The following MAP7D1 variants were observed in gnomAD, a reference collection of about 807,000 sequenced individuals.
MAP7D1 encodes MAP7 domain-containing protein 1.
In MAP7D1, 30 loss-of-function variants were observed where a neutral mutation model predicts 97.5. The observed-to-expected ratio is 0.31, with a 90% confidence interval of 0.23 to 0.42. MAP7D1 has a LOEUF of 0.42. MAP7D1 is among the 10% of genes least tolerant of loss of function. The probability of loss-of-function intolerance (pLI) is 1.00; values close to 1 mark genes in which losing one functional copy is unlikely to be tolerated. For missense variants in MAP7D1, 1,184 were observed against 1,179.5 expected (o/e 1.00, Z -0.06); for synonymous variants, 536 against 477.1 (o/e 1.12, Z -1.61).
At position 36,179,049 on chromosome 1, in the gene MAP7D1, T is replaced by G. The variant is rs1644676082; in HGVS notation, c.2130+24T>G. On this transcript the variant is annotated intron_variant, in intron 12 of 16. Transcript: ENST00000474796. ...AGGTGTGCGGACCTGGGCGGGGATT[T>G]GTGGGCGGGGCCTGGGCAGGGCGGG... The G allele has an allele frequency of 3.3e-6, 4 of 1,229,324 alleles. No homozygotes were observed. The African/African-American group carries it at 6.7e-5, about 21-fold the overall frequency. The allele number at this position is 1,229,324 out of a possible 1,614,324, so 76.2% of individuals were successfully genotyped here. A position where few individuals can be genotyped will look rare whatever the true frequency, so the allele number is the denominator to read the frequency against.
At position 36,180,130 on chromosome 1, in the gene MAP7D1, G is replaced by A. The variant is rs1644696886; in HGVS notation, c.2512+63G>A. 3.1e-6 allele frequency: 5 copies of A among 1,610,464 alleles called. No individual in the cohort carries two copies. The East Asian group carries it at 1.1e-4, about 36-fold the overall frequency. ...CCAGCAGCCTTCCCTGTACTCCTCA[G>A]CCCTGCCTTCTCTTCTGGCTCTGCC... On this transcript the variant is annotated intron_variant, in intron 16 of 16. Coordinates refer to ENST00000474796, the MANE Select transcript of MAP7D1 (RefSeq NM_001388490.1).
At chr1:36,172,366 G>A (rs1393513776) in intron 3 of MAP7D1, 98 bp from the exon 4 acceptor site, 2 of 1,232,720 alleles carry the variant, frequency 1.6e-6, no homozygotes, top group East Asian at 2.8e-5. Context: ...GACCCACCCA[G>A]GGCATGGGTA....
chr1:36,176,382 G>A lies in MAP7D1; in HGVS notation c.1034G>A (p.Arg345His). The change falls in exon 7 of 17, where the codon CGC becomes CAC. Residue 345 changes from arginine (R) to histidine (H), a missense_variant. Transcript: ENST00000474796. This position sits in a 1 kb window ranked among gnomAD's most constrained non-coding sequence, Gnocchi z 6.1. ...GGCCGGGCAGGGGCCAGCCTGGCGC[G>A]CGGGCCGCAACCCGACCGCACTCAT... ...TWGRAGASLA[R>H]GPQPDRTHPS... The A allele has an allele frequency of 6.6e-7, 1 of 1,523,372 alleles. No homozygotes were observed. Among genetic ancestry groups the A allele is most frequent in the Non-Finnish European group, 8.8e-7 (1 of 1,141,166 alleles). The allele number at this position is 1,523,372 out of a possible 1,614,324, so 94.4% of individuals were successfully genotyped here. A position where few individuals can be genotyped will look rare whatever the true frequency, so the allele number is the denominator to read the frequency against.
rs867200498 is a variant in MAP7D1 at position 36,175,123 on chromosome 1, C to T, written c.850+115C>T. 2.0e-5 allele frequency: 14 copies of T among 701,902 alleles called. No individual in the cohort carries two copies. The Middle Eastern group carries it at 2.8e-3, about 142-fold the overall frequency. 43.5% of individuals were successfully genotyped at this position (701,902 alleles called of 1,614,324 possible). The stretch of plus-strand genomic sequence containing the variant: ...GGAGCCCTCACATACTCCAGGTCCC[C>T]ATCCCCACTCTACCTTACCCAGGGC... On this transcript the variant is annotated intron_variant, in intron 6 of 16. Coordinates refer to ENST00000474796, the MANE Select transcript of MAP7D1 (RefSeq NM_001388490.1).
intron 1 of MAP7D1, among the ~76,000 whole-genome samples, chr1:36,170,454 CA>C (rs1445128207): frequency 6.6e-6 from 1 of 150,770 alleles, no homozygotes; most frequent in East Asian, 2.0e-4. Flanking sequence ...CACAGTCACC[CA>C]GAAGTAAAGC....
At chr1:36,163,855 T>C (rs1318063092) in intron 1 of MAP7D1, among the ~76,000 whole-genome samples, 1 of 132,318 alleles carries the variant, frequency 7.6e-6, no homozygotes. Context: ...GGAGACAGCA[T>C]CTGATTCTGT....
Position 36,178,728 on chromosome 1 carries a change from G to T in MAP7D1, c.1930G>T (p.Ala644Ser), listed in dbSNP as rs760400782. The change falls in exon 11 of 17, where the codon GCG becomes TCG. Residue 644 changes from alanine (A) to serine (S), a missense_variant. Transcript: ENST00000474796. ...GCTGGCACGGGAGGCCGAGGCCCGG[G>T]CGGAGCGGGAGGCGGAGGCCCGGAG... ...EQLAREAEARAEREAEARRRE... is the reference protein window; with the variant it reads ...EQLAREAEARSEREAEARRRE... The T allele has an allele frequency of 1.7e-4, 261 of 1,541,260 alleles. 1 individual carries two copies. The highest frequency in any genetic ancestry group is 3.5e-6 in the Non-Finnish European group (4 of 1,143,840).
chr1:36,164,175 C>A (rs1570132888), intron 1 of MAP7D1, among the ~76,000 whole-genome samples: 1 of 152,300 alleles, frequency 6.6e-6, no homozygotes, highest in Admixed American at 6.5e-5. Flanking sequence ...TAGGCTAGGG[C>A]AGCCTCATAG....
Position 36,161,873 on chromosome 1 carries a change from GTGTA to G in MAP7D1, c.46+5414_46+5417del, listed in dbSNP as rs1322013124. 7.0e-3 allele frequency among the ~76,000 whole-genome samples: 917 copies of G among 130,596 alleles called. 10 individuals carry two copies. Among genetic ancestry groups the G allele is most frequent in the African/African-American group, 0.022 (785 of 35,084 alleles). The allele number at this position is 130,596 out of a possible 152,430, so 85.7% of individuals were successfully genotyped here. A position where few individuals can be genotyped will look rare whatever the true frequency, so the allele number is the denominator to read the frequency against. ...GTCTGTTTCCTCTGCATGTGTGTGT[GTGTA>G]TGTGTGTGTGTGTGTGTGTGTGTGT... On this transcript the variant is annotated intron_variant, in intron 1 of 16. Coordinates refer to ENST00000474796, the MANE Select transcript of MAP7D1 (RefSeq NM_001388490.1).
Position 36,176,630 on chromosome 1 carries a change from C to G in MAP7D1, c.1233+49C>G, listed in dbSNP as rs758848484. 2.7e-5 allele frequency: 42 copies of G among 1,573,248 alleles called. No homozygotes were observed. Among genetic ancestry groups the G allele is most frequent in the Non-Finnish European group, 1.1e-5 (13 of 1,156,314 alleles). ...TGGCCGCGCAGGTGGGGACAGGCAG[C>G]CTGGAACTGGGGTACGCGGGCGCTG... On this transcript the variant is annotated intron_variant, in intron 7 of 16. Transcript: ENST00000474796. This position sits in a 1 kb window ranked among gnomAD's most constrained non-coding sequence, Gnocchi z 6.1.
intron 1 of MAP7D1, among the ~76,000 whole-genome samples, chr1:36,160,914 G>C (rs1327172678): frequency 1.3e-5 from 2 of 152,264 alleles, no homozygotes; most frequent in Non-Finnish European, 2.9e-5. Context: ...CAGCTGGGGG[G>C]GCATCTCCAG....
At position 36,172,505 on chromosome 1, in the gene MAP7D1, A is replaced by G; in HGVS notation, c.502A>G (p.Lys168Glu). Residue 168 changes from lysine (K) to glutamate (E), a missense_variant, in exon 4 of 17, where the codon AAG becomes GAG. By Grantham distance (56) the Lys-to-Glu change is moderately conservative. Coordinates refer to ENST00000474796, the MANE Select transcript of MAP7D1 (RefSeq NM_001388490.1). ...GTGGCTGGAGAAGGAGGAGAAGGCCAAGGCGCTGCGGGAGAAGCAGCTCCA... is the reference window on the plus strand; with the variant it reads ...GTGGCTGGAGAAGGAGGAGAAGGCCGAGGCGCTGCGGGAGAAGCAGCTCCA... ...AVWLEKEEKA[K>E]ALREKQLQER... 2 of 1,601,564 alleles carry G rather than the reference A, an allele frequency of 1.2e-6. No homozygotes were observed. Among genetic ancestry groups the G allele is most frequent in the African/African-American group, 2.7e-5 (2 of 74,860 alleles).
chr1:36,157,805 G>T (rs1644358108), intron 1 of MAP7D1, among the ~76,000 whole-genome samples: 1 of 152,214 alleles, frequency 6.6e-6, no homozygotes, highest in South Asian at 2.1e-4. Flanking sequence ...GGGACTGTCT[G>T]GGTGTGGGAC....
At position 36,170,855 on chromosome 1, in the gene MAP7D1, A is replaced by G. The variant is rs556835201; in HGVS notation, c.47-116A>G. On this transcript the variant is annotated intron_variant, in intron 1 of 16. Coordinates refer to ENST00000474796, the MANE Select transcript of MAP7D1 (RefSeq NM_001388490.1). ...CTGGAACAGGGCCCGGCACATAGAA[A>G]TAACTCAAACATAAGTGAATGAAGA... is the stretch of plus-strand genomic sequence containing the variant. 19 of 656,420 alleles carry G rather than the reference A, an allele frequency of 2.9e-5. No individual in the cohort carries two copies. In the South Asian group the frequency reaches 3.4e-4, roughly 12 times the overall value. 40.7% of individuals were successfully genotyped at this position (656,420 alleles called of 1,614,324 possible).
intron 1 of MAP7D1, 107 bp downstream of exon 1, chr1:36,156,570 C>T: frequency 1.1e-6 from 1 of 882,334 alleles, no homozygotes; most frequent in Non-Finnish European, 1.6e-6. Flanking sequence ...CTGCCGCGCC[C>T]TCTGACCACT....
chr1:36,180,167 C>T (rs1644697253), intron 16 of MAP7D1, 81 bp from the exon 17 acceptor site: 2 of 1,611,204 alleles, frequency 1.2e-6, no homozygotes, highest in South Asian at 1.1e-5. Flanking sequence ...GGCACCCTCT[C>T]CTGCTCCACC....
At chr1:36,172,176 G>A (rs891097271) in intron 3 of MAP7D1, 3 of 269,080 alleles carry the variant, frequency 1.1e-5, no homozygotes, top group Non-Finnish European at 2.1e-5. Flanking sequence ...ACATCTGTCT[G>A]GTAGGCCCCC....
rs545318564 is a variant in MAP7D1 at position 36,159,909 on chromosome 1, G to A, written c.46+3446G>A. Among the ~76,000 whole-genome samples the A allele has an allele frequency of 6.6e-6, 1 of 152,328 alleles. No homozygotes were observed. The highest frequency in any genetic ancestry group is 2.1e-4 in the South Asian group (1 of 4,828). On this transcript the variant is annotated intron_variant, in intron 1 of 16. Coordinates refer to ENST00000474796, the MANE Select transcript of MAP7D1 (RefSeq NM_001388490.1). The surrounding 1 kb of genome is among the most constrained non-coding windows in gnomAD (Gnocchi z 5.4). ...TTCCTAGTCCCTTCCTGGGCTGGTG[G>A]GCCCAATAATGAGGCCTCTAATGAG...
chr1:36,163,087 G>C (rs920653659), intron 1 of MAP7D1, among the ~76,000 whole-genome samples: 2 of 152,124 alleles, frequency 1.3e-5, no homozygotes, highest in African/African-American at 4.8e-5. Flanking sequence ...GGAAAGGACT[G>C]CCAGCTCTCA....
Sources: allele counts gnomAD v4.1 joint callset (sites outside exome capture counted in the v4.1 genomes callset), GRCh38; gene constraint gnomAD v4.1.1; non-coding constraint Gnocchi (gnomAD v3.1); transcripts MANE v1.5; gene names NCBI Gene and HGNC (gene_info 2026-07-23, HGNC 2026-07-21).